The following GOLGA3 variants were observed in gnomAD, a reference collection of about 807,000 sequenced individuals.
GOLGA3 encodes golgin A3, also known as golgin subfamily A member 3.
A neutral mutation model predicts 169.4 loss-of-function variants in GOLGA3; 75 were observed. The ratio of observed to expected loss-of-function variants is 0.44; its 90% CI spans 0.37 to 0.54. The LOEUF (loss-of-function observed/expected upper bound fraction) is 0.54. Among genes scored for constraint, GOLGA3 ranks in the 20% least tolerant of loss-of-function variants. The probability of loss-of-function intolerance (pLI) is 0.00; values close to 1 mark genes in which losing one functional copy is unlikely to be tolerated. For synonymous variants in GOLGA3, 824 were observed against 822.4 expected (o/e 1.00, Z -0.03); for missense variants, 1,899 against 1,930.0 (o/e 0.98, Z 0.30).
chr12:132,799,773 G>A (rs1283950731), intron 8 of GOLGA3, among the ~76,000 whole-genome samples: 1 of 150,814 alleles, frequency 6.6e-6, no homozygotes, highest in Non-Finnish European at 1.5e-5. Flanking sequence ...TGGCTCTGTT[G>A]CCCAGGCTGA....
At chr12:132,813,025 C>T (rs1455915280) in intron 4 of GOLGA3, among the ~76,000 whole-genome samples, 5 of 152,220 alleles carry the variant, frequency 3.3e-5, no homozygotes, top group Admixed American at 2.6e-4. Context: ...ATACACATAA[C>T]TTCTTTATGC....
chr12:132,773,366 C>T (rs999010111), intron 23 of GOLGA3, 72 bp from the exon 24 acceptor site: 46 of 977,552 alleles, frequency 4.7e-5, no homozygotes, highest in South Asian at 2.3e-4. Flanking sequence ...CTGTGGACAG[C>T]GTCACTCGCT....
Position 132,816,613 on chromosome 12 carries a change from A to G in GOLGA3, c.333T>C (p.Ser111=). Residue 111 remains serine, a synonymous_variant, in exon 3 of 24, where the codon AGT becomes AGC. Coordinates refer to ENST00000450791, the MANE Select transcript of GOLGA3 (RefSeq NM_001389683.1). The part of the protein sequence containing the change: ...HDNLRKSQGT[S]AEGSVRKEAL... The stretch of plus-strand genomic sequence containing the variant: ...CTTCTTTTCTAACACTGCCCTCAGC[A>G]CTAGTTCCCTGAGACTTCCTTAGGT... The G allele has an allele frequency of 1.2e-6, 2 of 1,614,066 alleles. No individual in the cohort carries two copies. Among genetic ancestry groups the G allele is most frequent in the Non-Finnish European group, 1.7e-6 (2 of 1,179,926 alleles).
At position 132,780,789 on chromosome 12, in the gene GOLGA3, G is replaced by A. The variant is rs368930334; in HGVS notation, c.3582+9C>T. On this transcript the variant is annotated intron_variant, in intron 18 of 23. Transcript: ENST00000450791. Reference sequence around the variant, plus strand: ...TGGAACGCCCTGTGAGACGGAAGGTGGCACGCACCTGCTCCTTGAGGCTGT... The same window carrying A: ...TGGAACGCCCTGTGAGACGGAAGGTAGCACGCACCTGCTCCTTGAGGCTGT... 1.3e-6 allele frequency: 2 copies of A among 1,555,450 alleles called. No homozygotes were observed. The highest frequency in any genetic ancestry group is 1.8e-6 in the Non-Finnish European group (2 of 1,130,712).
intron 11 of GOLGA3, among the ~76,000 whole-genome samples, chr12:132,791,663 A>AT (rs2046240663): frequency 7.4e-6 from 1 of 135,872 alleles, no homozygotes; most frequent in South Asian, 2.6e-4. Context: ...TGAGGGCTCC[A>AT]AGAGGGGGAT....
At chr12:132,780,981 G>A in intron 17 of GOLGA3, 67 bp from the exon 18 acceptor site, 4 of 1,194,980 alleles carry the variant, frequency 3.3e-6, no homozygotes, top group Middle Eastern at 1.9e-4. Context: ...GGCTGCTACA[G>A]CAGGCAACGT....
chr12:132,805,682 A>G (rs1949361077), intron 6 of GOLGA3, among the ~76,000 whole-genome samples: 1 of 152,056 alleles, frequency 6.6e-6, no homozygotes, highest in African/African-American at 2.4e-5. Flanking sequence ...GCGACTTTCC[A>G]AACAGGCCCA....
At chr12:132,814,966 G>C (rs1328767029) in intron 3 of GOLGA3, among the ~76,000 whole-genome samples, 3 of 152,184 alleles carry the variant, frequency 2.0e-5, no homozygotes, top group Admixed American at 2.0e-4. Flanking sequence ...ACCGCCCGAC[G>C]GCCTGGGTGC....
At position 132,787,610 on chromosome 12, in the gene GOLGA3, CGG is replaced by C. The variant is rs1298389098; in HGVS notation, c.2812-825_2812-824del. ...CCCCAGAACCCCTGGGACCCTTCCC[CGG>C]AGACCCCGGGACCCCTCCCCGGAGA... is the stretch of plus-strand genomic sequence containing the variant. On this transcript the variant is annotated intron_variant, in intron 13 of 23. Coordinates refer to ENST00000450791, the MANE Select transcript of GOLGA3 (RefSeq NM_001389683.1). Among the ~76,000 whole-genome samples the C allele has an allele frequency of 1.3e-4, 16 of 125,644 alleles. 1 individual carries two copies. The highest frequency in any genetic ancestry group is 5.3e-4 in the South Asian group (2 of 3,794). 82.4% of individuals were successfully genotyped at this position (125,644 alleles called of 152,430 possible). A position where few individuals can be genotyped will look rare whatever the true frequency, so the allele number is the denominator to read the frequency against.
intron 2 of GOLGA3, among the ~76,000 whole-genome samples, chr12:132,818,098 T>C (rs1950065898): frequency 7.1e-6 from 1 of 140,324 alleles, no homozygotes; most frequent in Admixed American, 7.2e-5. Context: ...CGCTCTAAGG[T>C]GAACCCCCCC....
chr12:132,788,982 G>C (rs768575284), intron 13 of GOLGA3, 45 bp downstream of exon 13: 14 of 365,082 alleles, frequency 3.8e-5, no homozygotes, highest in Non-Finnish European at 5.3e-5. Context: ...CAAGCACTTT[G>C]GCCGAATCCT....
At chr12:132,805,342 G>A (rs74485841) in intron 6 of GOLGA3, among the ~76,000 whole-genome samples, 2 of 40,978 alleles carry the variant, frequency 4.9e-5, no homozygotes, top group Admixed American at 2.3e-4. Context: ...AGGGGACCCC[G>A]AGACCCCCAG....
intron 2 of GOLGA3, among the ~76,000 whole-genome samples, chr12:132,818,030 G>T (rs1304463161): frequency 1.6e-5 from 2 of 125,944 alleles, no homozygotes; most frequent in Non-Finnish European, 1.6e-5. Context: ...CACGCTCTAA[G>T]GTGAACCCAC....
Position 132,816,714 on chromosome 12 carries a change from G to A in GOLGA3, c.232C>T (p.Pro78Ser). 1 of 1,614,122 alleles carries A rather than the reference G, an allele frequency of 6.2e-7. No homozygotes were observed. The highest frequency in any genetic ancestry group is 1.3e-5 in the African/African-American group (1 of 75,044). Reference protein sequence around the residue: ...QNGPTPPFPDPPSSLDPTTSP... With the variant: ...QNGPTPPFPDSPSSLDPTTSP... ...GTGGTGGGATCGAGAGACGACGGAG[G>A]GTCTGGGAAGGGTGGCGTTGGCCCG... The change falls in exon 3 of 24, where the codon CCT becomes TCT. Residue 78 changes from proline to serine, a missense_variant. Pro to Ser is a moderately conservative substitution (Grantham distance 74). Coordinates refer to ENST00000450791, the MANE Select transcript of GOLGA3 (RefSeq NM_001389683.1).
intron 12 of GOLGA3, among the ~76,000 whole-genome samples, chr12:132,790,158 C>A (rs954038446): frequency 6.6e-6 from 1 of 151,792 alleles, no homozygotes; most frequent in Non-Finnish European, 1.5e-5. Context: ...GGTGAAACCC[C>A]GTCTCTACTA....
chr12:132,807,867 G>T, intron 5 of GOLGA3, 24 bp downstream of exon 5: 3 of 209,252 alleles, frequency 1.4e-5, no homozygotes, highest in Non-Finnish European at 9.1e-6. Flanking sequence ...CACCCACCCC[G>T]CCCACCTCTG....
At chr12:132,785,311 T>C (rs1472870388) in intron 15 of GOLGA3, among the ~76,000 whole-genome samples, 1 of 151,750 alleles carries the variant, frequency 6.6e-6, no homozygotes, top group Non-Finnish European at 1.5e-5. Context: ...AGCACTTGAT[T>C]TATTTATTGA....
chr12:132,788,513 C>T (rs919839134), intron 13 of GOLGA3, among the ~76,000 whole-genome samples: 1 of 152,062 alleles, frequency 6.6e-6, no homozygotes, highest in Admixed American at 6.6e-5. Context: ...GCATCTCGGA[C>T]ACCCACTGTG....
intron 8 of GOLGA3, among the ~76,000 whole-genome samples, chr12:132,801,071 C>A (rs776675840): frequency 1.3e-5 from 2 of 152,252 alleles, no homozygotes; most frequent in Non-Finnish European, 2.9e-5. Flanking sequence ...TCACTCGAAC[C>A]ATTCGCCTGT....
Sources: gnomAD v4.1 joint callset for allele counts (sites outside exome capture counted in the v4.1 genomes callset) on GRCh38, gnomAD v4.1.1 for gene constraint, MANE v1.5 for transcripts, NCBI Gene and HGNC (gene_info 2026-07-23, HGNC 2026-07-21) for gene names.